UGCG: variants seen among roughly 807,000 people sequenced by gnomAD.
UGCG encodes UDP-glucose ceramide glucosyltransferase.
A neutral mutation model predicts 49.5 loss-of-function variants in UGCG; 10 were observed. The ratio of observed to expected loss-of-function variants is 0.20; its 90% CI spans 0.12 to 0.34. The LOEUF is 0.34. UGCG is among the 10% of genes least tolerant of loss of function. UGCG has a pLI of 1.00. For synonymous variants in UGCG, 182 were observed against 158.2 expected (o/e 1.15, Z -1.13); for missense variants, 312 against 483.7 (o/e 0.65, Z 3.33).
intron 2 of UGCG, among the ~76,000 whole-genome samples, chr9:111,921,657 A>G (rs1838223015): frequency 6.6e-6 from 1 of 151,506 alleles, no homozygotes; most frequent in Admixed American, 6.6e-5. Flanking sequence ...TCAAAAAAAA[A>G]AAAAAAGTTG....
chr9:111,921,307 C>T (rs1488030235), intron 2 of UGCG, among the ~76,000 whole-genome samples: 1 of 151,954 alleles, frequency 6.6e-6, no homozygotes, highest in Non-Finnish European at 1.5e-5. Flanking sequence ...GAATACATAT[C>T]CTACAAATAA....
Position 111,896,987 on chromosome 9 carries a change from G to A in UGCG, c.-229G>A. ...CCAGAGCCGGGAGACCGCAGCACCC[G>A]CAGCCGCCCGCGAGCGCGCCGAAGA... On this transcript the variant is annotated 5_prime_UTR_variant, in exon 1 of 9. Coordinates refer to ENST00000374279, the MANE Select transcript of UGCG (RefSeq NM_003358.3). 8.2e-6 allele frequency: 2 copies of A among 243,990 alleles called. No homozygotes were observed. Among genetic ancestry groups the A allele is most frequent in the Non-Finnish European group, 1.5e-5 (2 of 130,022 alleles). 15.1% of individuals were successfully genotyped at this position (243,990 alleles called of 1,614,324 possible).
chr9:111,901,135 G>A (rs1564196628), intron 1 of UGCG, among the ~76,000 whole-genome samples: 1 of 152,186 alleles, frequency 6.6e-6, no homozygotes, highest in Non-Finnish European at 1.5e-5. Context: ...TATCTCTAAT[G>A]TACAGCAACT....
chr9:111,932,320 A>G lies in UGCG; in HGVS notation c.975A>G (p.Ala325=). ...TATTTTTCATGTGTCATTGCCTGGC[A>G]TGGTTTATATTTGACTACATTCAAC... The part of the protein sequence containing the change: ...IMVFFMCHCL[A]WFIFDYIQLR... Residue 325 remains alanine, a synonymous_variant, in exon 8 of 9, where the codon GCA becomes GCG. Transcript: ENST00000374279. 1 of 1,614,110 alleles carries G rather than the reference A, an allele frequency of 6.2e-7. No homozygotes were observed. The highest frequency in any genetic ancestry group is 8.5e-7 in the Non-Finnish European group (1 of 1,180,016).
chr9:111,929,570 G>A lies in UGCG; in HGVS notation c.629G>A (p.Gly210Glu). The A allele has an allele frequency of 6.2e-7, 1 of 1,614,044 alleles. No homozygotes were observed. The highest frequency in any genetic ancestry group is 2.2e-5 in the East Asian group (1 of 44,844). ...GTAACTGGTTTCAAATGTGTGACAG[G>A]AATGTCTTGTTTAATGAGAAAAGAT... The part of the protein sequence containing the change: ...ANVTGFKCVT[G>E]MSCLMRKDVL... Residue 210 changes from glycine to glutamate, a missense_variant, in exon 6 of 9, where the codon GGA becomes GAA. Physicochemically the swap from Gly to Glu is moderately conservative, Grantham distance 98. Coordinates refer to ENST00000374279, the MANE Select transcript of UGCG (RefSeq NM_003358.3).
chr9:111,928,354 C>G lies in UGCG; in HGVS notation c.559-1146C>G, dbSNP rs377454581. Among the ~76,000 whole-genome samples, 12 of 152,228 alleles carry G rather than the reference C, an allele frequency of 7.9e-5. No individual in the cohort carries two copies. In the East Asian group the frequency reaches 1.3e-3, roughly 17 times the overall value. ...CTAGTATACCAAATTGTATTTTTGT[C>G]TTAGAAATATCCAAATTGATACAGA... On this transcript the variant is annotated intron_variant, in intron 5 of 8. Transcript: ENST00000374279.
At chr9:111,904,857 T>A (rs1837849658) in intron 1 of UGCG, among the ~76,000 whole-genome samples, 1 of 151,840 alleles carries the variant, frequency 6.6e-6, no homozygotes, top group Non-Finnish European at 1.5e-5. Context: ...AGCAAAACTT[T>A]GTCTTGGAGG....
rs943843765 is a variant in UGCG at position 111,897,186 on chromosome 9, G to GCGGGC, written c.-21_-17dup. 8 of 1,532,552 alleles carry GCGGGC rather than the reference G, an allele frequency of 5.2e-6. No homozygotes were observed. The highest frequency in any genetic ancestry group is 4.8e-5 in the South Asian group (4 of 83,542). The allele number at this position is 1,532,552 out of a possible 1,614,324, so 94.9% of individuals were successfully genotyped here. A position where few individuals can be genotyped will look rare whatever the true frequency, so the allele number is the denominator to read the frequency against. ...AGCGTTGTCCGTGTTGGCGGCCGCA[G>GCGGGC]CGGGCCGGGCCGGTCCGGCGGGCCG... On this transcript the variant is annotated 5_prime_UTR_variant, in exon 1 of 9. Transcript: ENST00000374279.
At position 111,926,505 on chromosome 9, in the gene UGCG, G is replaced by T. The variant is rs1262576249; in HGVS notation, c.558+9G>T. 2 of 1,592,582 alleles carry T rather than the reference G, an allele frequency of 1.3e-6. No homozygotes were observed. The highest frequency in any genetic ancestry group is 3.5e-5 in the Admixed American group (2 of 57,670). Reference sequence around the variant, plus strand: ...CTGCCACCTTAGAGCAGGTGAGTATGGTGGTTATAAATCATGTTCATAGTA... The same window carrying T: ...CTGCCACCTTAGAGCAGGTGAGTATTGTGGTTATAAATCATGTTCATAGTA... On this transcript the variant is annotated intron_variant, in intron 5 of 8. Coordinates refer to ENST00000374279, the MANE Select transcript of UGCG (RefSeq NM_003358.3).
rs189977398 is a variant in UGCG, at chr9:111,913,514, A to G, written c.99-1091A>G. Among the ~76,000 whole-genome samples the G allele has an allele frequency of 4.0e-5, 6 of 151,130 alleles. No homozygotes were observed. In the East Asian group the frequency reaches 9.7e-4, roughly 24 times the overall value. ...AGCGGCACAATCTTGGCTCACTGCA[A>G]CCTCCACCCCCGGGTTCAAGTGATT... On this transcript the variant is annotated intron_variant, in intron 1 of 8. Transcript: ENST00000374279.
intron 1 of UGCG, among the ~76,000 whole-genome samples, chr9:111,909,655 A>C (rs941210633): frequency 1.3e-5 from 2 of 152,278 alleles, no homozygotes; most frequent in Non-Finnish European, 2.9e-5. Context: ...GATGTTGTCC[A>C]GTAAGTGACT....
intron 5 of UGCG, among the ~76,000 whole-genome samples, chr9:111,928,853 A>G (rs981244058): frequency 3.3e-5 from 5 of 152,192 alleles, no homozygotes; most frequent in African/African-American, 9.7e-5. Context: ...TTATCAGCGT[A>G]TATATCTTAT....
At chr9:111,899,684 C>T (rs1267300185) in intron 1 of UGCG, among the ~76,000 whole-genome samples, 2 of 152,014 alleles carry the variant, frequency 1.3e-5, no homozygotes, top group Non-Finnish European at 1.5e-5. Flanking sequence ...CTTCCTTATT[C>T]CTCCAAATTA....
At chr9:111,930,693 C>T (rs1838410688) in intron 6 of UGCG, among the ~76,000 whole-genome samples, 1 of 151,940 alleles carries the variant, frequency 6.6e-6, no homozygotes, top group Admixed American at 6.6e-5. Context: ...TAGTCTTGAA[C>T]TCCTGACCTC....
chr9:111,901,487 G>C (rs1401331865), intron 1 of UGCG, among the ~76,000 whole-genome samples: 1 of 152,168 alleles, frequency 6.6e-6, no homozygotes. Context: ...AGCCTGGGAA[G>C]ATACGGAATT....
rs761792553 is a variant in UGCG at position 111,931,260 on chromosome 9, T to C, written c.738-11T>C. 6.2e-7 allele frequency: 1 copy of C among 1,612,964 alleles called. No homozygotes were observed. On this transcript the variant is annotated splice_polypyrimidine_tract_variant and intron_variant, in intron 6 of 8. Transcript: ENST00000374279. ...CATCATAACTTATTTTCTAATTATC[T>C]TAATTTTCAGAGGTTGGAGGTTTGC...
intron 2 of UGCG, among the ~76,000 whole-genome samples, chr9:111,922,280 T>C (rs62570264): frequency 0.1 from 15,740 of 152,208 alleles, 1,252 homozygotes; most frequent in African/African-American, 0.22. Context: ...TCAAATTCTG[T>C]TTTGTTTCAA....
At chr9:111,918,685 G>C (rs1191212186) in intron 2 of UGCG, among the ~76,000 whole-genome samples, 2 of 152,132 alleles carry the variant, frequency 1.3e-5, no homozygotes, top group Non-Finnish European at 2.9e-5. Flanking sequence ...TGTAATCCCA[G>C]CACTTTGGGA....
chr9:111,906,298 G>GTA (rs1391162087), intron 1 of UGCG, among the ~76,000 whole-genome samples: 3 of 152,244 alleles, frequency 2.0e-5, no homozygotes, highest in Admixed American at 6.5e-5. Flanking sequence ...CCTGACCCAG[G>GTA]TATACCCCTC....
Sources: gnomAD v4.1 joint callset for allele counts (sites outside exome capture counted in the v4.1 genomes callset) on GRCh38, gnomAD v4.1.1 for gene constraint, MANE v1.5 for transcripts, NCBI Gene and HGNC (gene_info 2026-07-23, HGNC 2026-07-21) for gene names.